The following TECRL variants were observed in gnomAD, a reference collection of about 807,000 sequenced individuals.
TECRL encodes the protein trans-2,3-enoyl-CoA reductase like, also known as trans-2,3-enoyl-CoA reductase-like.
In TECRL, 63 loss-of-function variants were observed where a neutral mutation model predicts 52.8. The ratio of observed to expected loss-of-function variants is 1.19; its 90% CI spans 0.97 to 1.47. The LOEUF is 1.47. Ranked by LOEUF, TECRL falls within the 40% of genes most tolerant of loss-of-function variation. The pLI, the probability that TECRL is intolerant of heterozygous loss-of-function variation, is 0.00. For synonymous variants in TECRL, 164 were observed against 141.9 expected (o/e 1.16, Z -1.10); for missense variants, 482 against 429.6 (o/e 1.12, Z -1.08).
Position 64,342,059 on chromosome 4 carries a change from A to AG in TECRL, c.287-13504dup, listed in dbSNP as rs201401132. On this transcript the variant is annotated intron_variant, in intron 2 of 11. Coordinates refer to ENST00000381210, the MANE Select transcript of TECRL (RefSeq NM_001010874.5). ...GGGCAGAATGAGCCCAGCAGGCCCAAGGAAAACTCAGGCAAAGGCATCACT... is the reference window on the plus strand; with the variant it reads ...GGGCAGAATGAGCCCAGCAGGCCCAAGGGAAAACTCAGGCAAAGGCATCACT... Among the ~76,000 whole-genome samples, 827 of 152,306 alleles carry AG rather than the reference A, an allele frequency of 5.4e-3. 5 individuals are homozygous for AG. Among genetic ancestry groups the AG allele is most frequent in the African/African-American group, 0.019 (787 of 41,546 alleles).
At chr4:64,368,541 G>A (rs569225835) in intron 2 of TECRL, among the ~76,000 whole-genome samples, 20 of 152,160 alleles carry the variant, frequency 1.3e-4, no homozygotes, top group East Asian at 9.7e-4. Context: ...TGATCCGCCC[G>A]CCTTGGCCTC....
At chr4:64,338,888 A>C (rs1175561623) in intron 2 of TECRL, among the ~76,000 whole-genome samples, 2 of 152,146 alleles carry the variant, frequency 1.3e-5, no homozygotes. Context: ...TTCCTCAGGG[A>C]TCTAGAACTA....
chr4:64,335,648 A>T (rs563571750), intron 2 of TECRL, among the ~76,000 whole-genome samples: 1 of 152,258 alleles, frequency 6.6e-6, no homozygotes, highest in Non-Finnish European at 1.5e-5. Context: ...TGTCTTCTAA[A>T]TCATCAAATT....
chr4:64,344,935 G>A (rs138433984), intron 2 of TECRL, among the ~76,000 whole-genome samples: 24 of 152,276 alleles, frequency 1.6e-4, no homozygotes, highest in Non-Finnish European at 2.8e-4. Context: ...AGTCAAGTGA[G>A]ATTAACATTG....
intron 4 of TECRL, among the ~76,000 whole-genome samples, chr4:64,317,404 GA>G (rs1189202120): frequency 0.01 from 1,488 of 145,718 alleles, 16 homozygotes; most frequent in African/African-American, 0.034. Context: ...GTTTTATCTT[GA>G]AAAAAAAAAA....
At chr4:64,333,864 CAA>C (rs370827407) in intron 2 of TECRL, among the ~76,000 whole-genome samples, 1 of 129,078 alleles carries the variant, frequency 7.7e-6, no homozygotes, top group Admixed American at 7.7e-5. Flanking sequence ...ACTAAAAATA[CAA>C]AAAAAAAATT....
chr4:64,293,238 G>A (rs1723489918), intron 8 of TECRL, among the ~76,000 whole-genome samples: 1 of 152,052 alleles, frequency 6.6e-6, no homozygotes, highest in African/African-American at 2.4e-5. Context: ...GGTCAAGAAA[G>A]TAAATAAAAA....
chr4:64,358,165 G>A (rs1288666999), intron 2 of TECRL, among the ~76,000 whole-genome samples: 4 of 151,660 alleles, frequency 2.6e-5, no homozygotes, highest in African/African-American at 9.7e-5. Context: ...AAAATTCAGC[G>A]ATGTATGCTA....
At chr4:64,301,328 C>G (rs1203767198) in intron 7 of TECRL, among the ~76,000 whole-genome samples, 1 of 150,780 alleles carries the variant, frequency 6.6e-6, no homozygotes, top group Non-Finnish European at 1.5e-5. Context: ...AATGTTGTAC[C>G]AATTTTGCCA....
At chr4:64,303,721 A>C (rs1724153155) in intron 7 of TECRL, among the ~76,000 whole-genome samples, 1 of 151,804 alleles carries the variant, frequency 6.6e-6, no homozygotes, top group Admixed American at 6.6e-5. Context: ...TTAAAGGAAA[A>C]AGCAGCTTAT....
At chr4:64,374,560 G>A (rs908795531) in intron 2 of TECRL, among the ~76,000 whole-genome samples, 15 of 145,922 alleles carry the variant, frequency 1.0e-4, no homozygotes, top group East Asian at 4.4e-4. Flanking sequence ...ATCCCTCCCC[G>A]CTCCCCCCAC....
chr4:64,357,559 G>C (rs1380600103), intron 2 of TECRL, among the ~76,000 whole-genome samples: 1 of 151,050 alleles, frequency 6.6e-6, no homozygotes, highest in African/African-American at 2.4e-5. Flanking sequence ...TCTGAAAGCT[G>C]TCACACAAAT....
intron 9 of TECRL, among the ~76,000 whole-genome samples, chr4:64,285,202 A>T (rs941617871): frequency 6.6e-6 from 1 of 152,084 alleles, no homozygotes; most frequent in Non-Finnish European, 1.5e-5. Flanking sequence ...CTGCCTTACA[A>T]GGTCTTTTTC....
Position 64,279,624 on chromosome 4 carries a change from C to T in TECRL, c.*448G>A, listed in dbSNP as rs1577787107. On this transcript the variant is annotated 3_prime_UTR_variant, in exon 12 of 12. Transcript: ENST00000381210. The stretch of plus-strand genomic sequence containing the variant: ...CCTTAATTAGGATGAGATGATATCT[C>T]ATTGTGGTTTTGATTTGCATTTCTG... The T allele has an allele frequency of 3.9e-6, 1 of 258,482 alleles. No individual in the cohort carries two copies. The highest frequency in any genetic ancestry group is 2.3e-5 in the African/African-American group (1 of 43,310). 16.0% of individuals were successfully genotyped at this position (258,482 alleles called of 1,614,324 possible). A position where few individuals can be genotyped will look rare whatever the true frequency, so the allele number is the denominator to read the frequency against.
chr4:64,369,746 A>C (rs1721859357), intron 2 of TECRL, among the ~76,000 whole-genome samples: 1 of 152,064 alleles, frequency 6.6e-6, no homozygotes, highest in African/African-American at 2.4e-5. Context: ...TGATCATAGT[A>C]TTGTCACAAT....
At chr4:64,361,957 C>T (rs1405938941) in intron 2 of TECRL, among the ~76,000 whole-genome samples, 2 of 152,050 alleles carry the variant, frequency 1.3e-5, no homozygotes, top group Non-Finnish European at 2.9e-5. Context: ...CCAAGAAAAA[C>T]TAAAATGGTG....
intron 2 of TECRL, among the ~76,000 whole-genome samples, chr4:64,367,695 T>C (rs1721694872): frequency 6.6e-6 from 1 of 152,146 alleles, no homozygotes; most frequent in Admixed American, 6.6e-5. Context: ...AATGATCTTT[T>C]GTCTAAAATT....
rs1213921443 is a variant in TECRL at position 64,321,274 on chromosome 4, A to G, written c.435+1415T>C. Among the ~76,000 whole-genome samples, 4 of 152,164 alleles carry G rather than the reference A, an allele frequency of 2.6e-5. No homozygotes were observed. The East Asian group carries it at 7.7e-4, about 29-fold the overall frequency. On this transcript the variant is annotated intron_variant, in intron 4 of 11. Transcript: ENST00000381210. ...TAAAATTAAATTTGTGTTAGATTAA[A>G]ATTAACAAATATTAATGTATAAATT...
intron 9 of TECRL, 150 bp from the exon 10 acceptor site, chr4:64,281,709 G>T: frequency 1.9e-6 from 1 of 520,338 alleles, no homozygotes. Context: ...AAATTACTCA[G>T]AAGAGACCCA....
Sources: gnomAD v4.1 joint callset for allele counts (sites outside exome capture counted in the v4.1 genomes callset) on GRCh38, gnomAD v4.1.1 for gene constraint, MANE v1.5 for transcripts, NCBI Gene and HGNC (gene_info 2026-07-23, HGNC 2026-07-21) for gene names.